AGBL1: variants seen among roughly 807,000 people sequenced by gnomAD.
AGBL1 encodes the protein AGBL carboxypeptidase 1.
A neutral mutation model predicts 118.9 loss-of-function variants in AGBL1; 130 were observed. The observed-to-expected ratio is 1.09, with a 90% CI of 0.95 to 1.26. The LOEUF (loss-of-function observed/expected upper bound fraction) is 1.26. Ranked by LOEUF, AGBL1 falls within the 50% of genes most tolerant of loss-of-function variation. The pLI is 0.00. For synonymous variants in AGBL1, 555 were observed against 478.9 expected (o/e 1.16, Z -2.08); for missense variants, 1,584 against 1,298.1 (o/e 1.22, Z -3.38).
intron 21 of AGBL1, among the ~76,000 whole-genome samples, chr15:86,563,092 C>A (rs1213469414): frequency 6.6e-6 from 1 of 152,082 alleles, no homozygotes; most frequent in Non-Finnish European, 1.5e-5. Flanking sequence ...TTCCAAAAAC[C>A]AGCTCCTGGA....
chr15:86,557,386 A>G (rs1193352733), intron 21 of AGBL1, among the ~76,000 whole-genome samples: 2 of 152,186 alleles, frequency 1.3e-5, no homozygotes, highest in African/African-American at 4.8e-5. Flanking sequence ...GCTGGGCCCC[A>G]GGGGTTGCTG....
intron 18 of AGBL1, among the ~76,000 whole-genome samples, chr15:86,413,699 TG>T (rs2081652506): frequency 6.6e-6 from 1 of 152,208 alleles, no homozygotes; most frequent in Non-Finnish European, 1.5e-5. Context: ...TCATACCCTT[TG>T]CCCACTTTTT....
intron 8 of AGBL1, 88 bp downstream of exon 8, chr15:86,257,106 T>C: frequency 7.3e-7 from 1 of 1,364,026 alleles, no homozygotes; most frequent in African/African-American, 1.5e-5. Context: ...ATAGAATTCG[T>C]TATTTTATAG....
chr15:86,703,043 A>G (rs916590756), intron 22 of AGBL1, among the ~76,000 whole-genome samples: 2 of 152,178 alleles, frequency 1.3e-5, no homozygotes, highest in African/African-American at 4.8e-5. Context: ...GTGGAGGAAA[A>G]TCCAGTTATT....
chr15:86,128,166 G>A (rs1259036376), intron 1 of AGBL1, among the ~76,000 whole-genome samples: 1 of 152,146 alleles, frequency 6.6e-6, no homozygotes, highest in Non-Finnish European at 1.5e-5. Flanking sequence ...ATAAAGGAAA[G>A]AGGATTAATG....
intron 22 of AGBL1, among the ~76,000 whole-genome samples, chr15:86,905,294 A>ACC (rs1220024953): frequency 3.3e-5 from 5 of 152,198 alleles, no homozygotes; most frequent in African/African-American, 9.6e-5. Context: ...AGCAAGACTG[A>ACC]CCTTGTTGTG....
rs1195610425 is a variant in AGBL1, at chr15:86,907,674, C to T, written c.*380C>T. On this transcript the variant is annotated 3_prime_UTR_variant, in exon 23 of 23. Coordinates refer to ENST00000614907, the MANE Select transcript of AGBL1 (RefSeq NM_001386094.1). The stretch of plus-strand genomic sequence containing the variant: ...TTGGGCTTCTTCTTGGCTTCTCAGC[C>T]AGAATTCTAAGTGGTTATTTAAGTT... 1.3e-5 allele frequency: 2 copies of T among 152,142 alleles called. No individual in the cohort carries two copies. The highest frequency in any genetic ancestry group is 4.8e-5 in the African/African-American group (2 of 41,416). 9.4% of individuals were successfully genotyped at this position (152,142 alleles called of 1,614,324 possible).
intron 15 of AGBL1, among the ~76,000 whole-genome samples, chr15:86,279,017 T>A (rs1048315580): frequency 2.0e-5 from 3 of 152,222 alleles, no homozygotes; most frequent in Non-Finnish European, 2.9e-5. Context: ...GCCAGAGAGA[T>A]CTGGGTCTCA....
intron 18 of AGBL1, among the ~76,000 whole-genome samples, chr15:86,459,154 T>G (rs2142082294): frequency 6.6e-6 from 1 of 152,266 alleles, no homozygotes; most frequent in East Asian, 1.9e-4. Context: ...AGTAATCACG[T>G]GAGTGTAATA....
intron 22 of AGBL1, among the ~76,000 whole-genome samples, chr15:86,709,800 T>A (rs1722165562): frequency 6.6e-6 from 1 of 152,166 alleles, no homozygotes; most frequent in African/African-American, 2.4e-5. Flanking sequence ...TGATTAAACT[T>A]TTCTAAATCA....
intron 24 of AGBL1, among the ~76,000 whole-genome samples, chr15:86,999,459 A>G (rs2081413135): frequency 6.8e-6 from 1 of 146,706 alleles, no homozygotes; most frequent in South Asian, 2.1e-4. Flanking sequence ...CCTATGAGTG[A>G]GAATATGCGG....
chr15:86,636,569 C>T (rs1382549587), intron 21 of AGBL1, among the ~76,000 whole-genome samples: 1 of 149,044 alleles, frequency 6.7e-6, no homozygotes, highest in African/African-American at 2.5e-5. Context: ...AAACTTTTTC[C>T]CTTATGAAAT....
chr15:86,664,447 C>CT (rs2085605412), intron 21 of AGBL1, among the ~76,000 whole-genome samples: 1 of 152,184 alleles, frequency 6.6e-6, no homozygotes, highest in Admixed American at 6.6e-5. Flanking sequence ...ACACTTAATT[C>CT]AAGTTCAGAG....
At chr15:86,919,564 C>T (rs903773326), downstream of AGBL1, among the ~76,000 whole-genome samples, 1 of 134,148 alleles carries the variant, frequency 7.5e-6, no homozygotes, top group Non-Finnish European at 1.6e-5. Context: ...GTTGCCCACT[C>T]CCTGTTGAGA....
intron 17 of AGBL1, among the ~76,000 whole-genome samples, chr15:86,357,349 G>C (rs2080737515): frequency 6.6e-6 from 1 of 152,202 alleles, no homozygotes; most frequent in African/African-American, 2.4e-5. Flanking sequence ...AAAACTGAAT[G>C]ATCATTTGCC....
intron 17 of AGBL1, among the ~76,000 whole-genome samples, chr15:86,364,682 T>C (rs1567219244): frequency 6.6e-6 from 1 of 152,152 alleles, no homozygotes; most frequent in Non-Finnish European, 1.5e-5. Flanking sequence ...CTTATAACAA[T>C]GTGTGCCCTT....
chr15:86,632,253 G>A (rs549532869), intron 21 of AGBL1, among the ~76,000 whole-genome samples: 56 of 137,202 alleles, frequency 4.1e-4, no homozygotes, highest in South Asian at 1.4e-3. Context: ...GGGTGGCAGC[G>A]CAAGACCCTG....
intron 18 of AGBL1, among the ~76,000 whole-genome samples, chr15:86,407,147 G>T (rs942395097): frequency 2.0e-5 from 3 of 151,988 alleles, no homozygotes; most frequent in Non-Finnish European, 4.4e-5. Flanking sequence ...GGATAAACAT[G>T]ATTTTATTTT....
intron 23 of AGBL1, among the ~76,000 whole-genome samples, chr15:86,972,932 C>G (rs964163302): frequency 6.6e-6 from 1 of 151,956 alleles, no homozygotes; most frequent in Admixed American, 6.6e-5. Flanking sequence ...GAGTAGCCAT[C>G]TGCTTCTTTC....
Sources: allele counts gnomAD v4.1 joint callset (sites outside exome capture counted in the v4.1 genomes callset), GRCh38; gene constraint gnomAD v4.1.1; transcripts MANE v1.5; gene names NCBI Gene and HGNC (gene_info 2026-07-23, HGNC 2026-07-21).